ATXN7L3: variants seen among roughly 807,000 people sequenced by gnomAD.
The protein encoded by ATXN7L3 is ataxin 7 like 3, also known as ataxin-7-like protein 3.
A neutral mutation model predicts 50.0 loss-of-function variants in ATXN7L3; 6 were observed. The observed-to-expected ratio is 0.12, with a 90% CI of 0.07 to 0.24. ATXN7L3 has a LOEUF of 0.24. Among genes scored for constraint, ATXN7L3 ranks in the 10% least tolerant of loss-of-function variants. The pLI, the probability that ATXN7L3 is intolerant of heterozygous loss-of-function variation, is 1.00. For missense variants in ATXN7L3, 322 were observed against 451.3 expected (o/e 0.71, Z 2.60); for synonymous variants, 198 against 165.8 (o/e 1.19, Z -1.49).
rs1255789539 is a variant in ATXN7L3 at position 44,194,673 on chromosome 17, C to T, written c.739G>A (p.Val247Ile). The T allele has an allele frequency of 6.2e-7, 1 of 1,613,956 alleles. No homozygotes were observed. Among genetic ancestry groups the T allele is most frequent in the East Asian group, 2.2e-5 (1 of 44,890 alleles). ...AGGGAGCTCTCGACCTCTGGAAGGA[C>T]ACTGGAAAGGGGATGAGCCAAAGAA... ...VRIYFLGPSA[V>I]LPEVESSLDN... Residue 247 changes from valine to isoleucine, a missense_variant and splice_region_variant, in exon 12 of 13, where the codon GTC becomes ATC. Around this residue, in one of 5 missense-constraint regions of ATXN7L3, gnomAD observed 122 missense variants for 130.8 expected, o/e 0.93. Transcript: ENST00000587097.
Position 44,194,079 on chromosome 17 carries a change from C to T in ATXN7L3, c.*184G>A, listed in dbSNP as rs779348004. 16 of 715,866 alleles carry T rather than the reference C, an allele frequency of 2.2e-5. No individual in the cohort carries two copies. The highest frequency in any genetic ancestry group is 2.8e-5 in the Admixed American group (1 of 36,026). 44.3% of individuals were successfully genotyped at this position (715,866 alleles called of 1,614,324 possible). Reference sequence around the variant, plus strand: ...GTCTGAGTCCTGCACGCCGAGGAGTCGTGCTCCATTGCAGAGGACTTTGAC... The same window carrying T: ...GTCTGAGTCCTGCACGCCGAGGAGTTGTGCTCCATTGCAGAGGACTTTGAC... On this transcript the variant is annotated 3_prime_UTR_variant, in exon 13 of 13. Coordinates refer to ENST00000587097, the MANE Select transcript of ATXN7L3 (RefSeq NM_001382309.1).
At chr17:44,197,167 G>GC in intron 4 of ATXN7L3, 61 bp downstream of exon 4, 1 of 1,563,894 alleles carries the variant, frequency 6.4e-7, no homozygotes, top group Non-Finnish European at 8.7e-7. Flanking sequence ...CCTTCCCAAT[G>GC]CCCCCGGGGG....
chr17:44,197,887 G>A (rs892919176), intron 2 of ATXN7L3, 133 bp downstream of exon 2: 5 of 1,509,082 alleles, frequency 3.3e-6, no homozygotes, highest in Middle Eastern at 1.7e-4. Flanking sequence ...CTGGATCCTT[G>A]GCTTTTTCAG....
rs61742022 is a variant in ATXN7L3, at chr17:44,195,102, G to A, written c.660C>T (p.Cys220=). 2,136 of 1,614,172 alleles carry A rather than the reference G, an allele frequency of 1.3e-3. 23 individuals are homozygous for A. The African/African-American group carries it at 0.024, about 18-fold the overall frequency. ...GVISEHTKKM[C]TRSLRCPQHT... ...TTTCTAGGTTCTGTGCTCACCTTGT[G>A]CACATCTTCTTGGTGTGTTCAGAAA... is the stretch of plus-strand genomic sequence containing the variant. Residue 220 remains cysteine, a synonymous_variant, in exon 10 of 13, where the codon TGC becomes TGT. Transcript: ENST00000587097.
Position 44,195,830 on chromosome 17 carries a change from TGAA to T in ATXN7L3, c.524-5_524-3del. On this transcript the variant is annotated splice_polypyrimidine_tract_variant and splice_region_variant and intron_variant, in intron 7 of 12. Coordinates refer to ENST00000587097, the MANE Select transcript of ATXN7L3 (RefSeq NM_001382309.1). ...AAGGATCCGAATTGCTAAGTTCCCC[TGAA>T]GAAGAAAAAAGAAGGGGAAGGGTGT... is the stretch of plus-strand genomic sequence containing the variant. The T allele has an allele frequency of 9.3e-6, 15 of 1,606,978 alleles. No homozygotes were observed. The highest frequency in any genetic ancestry group is 1.2e-5 in the Non-Finnish European group (14 of 1,177,728).
Position 44,192,864 on chromosome 17 carries a change from G to A in ATXN7L3, c.*1399C>T, listed in dbSNP as rs1274581170. 2 of 152,260 alleles carry A rather than the reference G, an allele frequency of 1.3e-5. No homozygotes were observed. Among genetic ancestry groups the A allele is most frequent in the Non-Finnish European group, 2.9e-5 (2 of 68,096 alleles). The allele number at this position is 152,260 out of a possible 1,614,324, so 9.4% of individuals were successfully genotyped here. Reference sequence around the variant, plus strand: ...AATGTGGGATGGCTCCTCTTGGGAAGAGGGTAGGGGACATGTCCAGCAAGT... The same window carrying A: ...AATGTGGGATGGCTCCTCTTGGGAAAAGGGTAGGGGACATGTCCAGCAAGT... On this transcript the variant is annotated 3_prime_UTR_variant, in exon 13 of 13. Coordinates refer to ENST00000587097, the MANE Select transcript of ATXN7L3 (RefSeq NM_001382309.1).
Position 44,198,120 on chromosome 17 carries a change from C to T in ATXN7L3, c.-50G>A, listed in dbSNP as rs761253733. The T allele has an allele frequency of 5.7e-6, 9 of 1,577,892 alleles. No individual in the cohort carries two copies. The highest frequency in any genetic ancestry group is 1.1e-5 in the South Asian group (1 of 89,942). ...CTCTGACTGCTCATAGCACAGCGGG[C>T]GGCAACACGGCTGCACACACGGGGG... On this transcript the variant is annotated 5_prime_UTR_variant, in exon 2 of 13. Coordinates refer to ENST00000587097, the MANE Select transcript of ATXN7L3 (RefSeq NM_001382309.1).
chr17:44,196,204 A>T, intron 6 of ATXN7L3, 125 bp from the exon 7 acceptor site: 7 of 1,287,990 alleles, frequency 5.4e-6, no homozygotes, highest in Non-Finnish European at 7.7e-6. Flanking sequence ...CCCCAGTAGG[A>T]GGCCTGTCTA....
At chr17:44,198,617 G>A (rs2056013844) in intron 1 of ATXN7L3, 1 of 153,326 alleles carries the variant, frequency 6.5e-6, no homozygotes, top group South Asian at 2.0e-4. Flanking sequence ...ATGGCCCTAG[G>A]ACCCTACAAC....
intron 3 of ATXN7L3, 25 bp from the exon 4 acceptor site, chr17:44,197,424 C>G: frequency 6.3e-7 from 1 of 1,577,720 alleles, no homozygotes; most frequent in Non-Finnish European, 8.6e-7. Flanking sequence ...GGCTGGCGAT[C>G]AGGGTGGGCA....
rs2055727194 is a variant in ATXN7L3 at position 44,192,449 on chromosome 17, GC to G, written c.*1813del. On this transcript the variant is annotated 3_prime_UTR_variant, in exon 13 of 13. Transcript: ENST00000587097. ...GTGTATTAGGGCCTGAGCTGCAGCTGCCTCTCAGAAGGGAGAGTGGCCCACA... is the reference window on the plus strand; with the variant it reads ...GTGTATTAGGGCCTGAGCTGCAGCTGCTCTCAGAAGGGAGAGTGGCCCACA... 6.6e-6 allele frequency: 1 copy of G among 152,188 alleles called. No homozygotes were observed. The highest frequency in any genetic ancestry group is 1.5e-5 in the Non-Finnish European group (1 of 68,072). 9.4% of individuals were successfully genotyped at this position (152,188 alleles called of 1,614,324 possible).
At chr17:44,195,538 G>A (rs2055853011) in intron 8 of ATXN7L3, 51 bp from the exon 9 acceptor site, 3 of 1,544,212 alleles carry the variant, frequency 1.9e-6, no homozygotes, top group East Asian at 2.2e-5. Flanking sequence ...GAAAAGAGAA[G>A]GACAGGGGTG....
intron 11 of ATXN7L3, 47 bp from the exon 12 acceptor site, chr17:44,194,721 C>T (rs761750866): frequency 8.4e-5 from 135 of 1,613,358 alleles, no homozygotes; most frequent in Middle Eastern, 1.6e-4. Flanking sequence ...TAGTGATCAT[C>T]GCCCTAACTG....
At position 44,196,082 on chromosome 17, in the gene ATXN7L3, G is replaced by A; in HGVS notation, c.478-3C>T. Reference sequence around the variant, plus strand: ...GATCTTCGAGGGGAATTGGGGTTCTGGAATGGGAGATACCATAGCTTTGGG... The same window carrying A: ...GATCTTCGAGGGGAATTGGGGTTCTAGAATGGGAGATACCATAGCTTTGGG... On this transcript the variant is annotated splice_region_variant and splice_polypyrimidine_tract_variant and intron_variant, in intron 6 of 12. Coordinates refer to ENST00000587097, the MANE Select transcript of ATXN7L3 (RefSeq NM_001382309.1). 1 of 1,612,994 alleles carries A rather than the reference G, an allele frequency of 6.2e-7. No homozygotes were observed. Among genetic ancestry groups the A allele is most frequent in the Non-Finnish European group, 8.5e-7 (1 of 1,179,090 alleles).
Position 44,192,700 on chromosome 17 carries a change from G to T in ATXN7L3, c.*1563C>A, listed in dbSNP as rs76335095. On this transcript the variant is annotated 3_prime_UTR_variant, in exon 13 of 13. Transcript: ENST00000587097. ...GGGTTAAAAACCAATTTGCAACCAG[G>T]CATGAGCCACAATCAGAACCACCCC... The T allele has an allele frequency of 0.057, 8,731 of 152,258 alleles. 302 individuals carry two copies. The highest frequency in any genetic ancestry group is 0.08 in the African/African-American group (3,315 of 41,542). 9.4% of individuals were successfully genotyped at this position (152,258 alleles called of 1,614,324 possible).
In ATXN7L3 at chr17:44,195,450, C is replaced by G; in HGVS notation, c.590G>C (p.Gly197Ala). The G allele has an allele frequency of 6.2e-7, 1 of 1,614,106 alleles. No homozygotes were observed. The highest frequency in any genetic ancestry group is 8.5e-7 in the Non-Finnish European group (1 of 1,180,014). The part of the protein sequence containing the change: ...NSTGISYETL[G>A]PEELRSLLTT... The stretch of plus-strand genomic sequence containing the variant: ...TAGCAGGCTGCGAAGCTCCTCCGGC[C>G]CCAGGGTCTCATAGCTGATCCCAGT... Residue 197 changes from glycine to alanine, a missense_variant, in exon 9 of 13, where the codon GGG becomes GCG. This residue lies in a region of ATXN7L3 where 95 missense variants were observed against 98.1 expected (regional missense o/e 0.97). Transcript: ENST00000587097.
chr17:44,198,213 A>G, intron 1 of ATXN7L3, 83 bp from the exon 2 acceptor site: 1 of 764,404 alleles, frequency 1.3e-6, no homozygotes, highest in South Asian at 1.6e-5. Flanking sequence ...CTCGCTGCCC[A>G]AAGCTCAGTC....
At chr17:44,195,034 C>T (rs1266868226) in intron 10 of ATXN7L3, 63 bp downstream of exon 10, 15 of 1,589,186 alleles carry the variant, frequency 9.4e-6, no homozygotes, top group Middle Eastern at 1.7e-4. Flanking sequence ...GGGGTACTCC[C>T]AACCCATGCC....
In ATXN7L3 at chr17:44,195,480, T is replaced by G. The variant is rs771811837; in HGVS notation, c.560A>C (p.Asn187Thr). 1 of 1,613,888 alleles carries G rather than the reference T, an allele frequency of 6.2e-7. No homozygotes were observed. Among genetic ancestry groups the G allele is most frequent in the African/African-American group, 1.3e-5 (1 of 74,976 alleles). ...LSNSDPFKYN[N>T]STGISYETLG... ...GGTCTCATAGCTGATCCCAGTTGAA[T>G]TGTTATACTGCAGGACAACCAGAGG... Residue 187 changes from asparagine (N) to threonine (T), a missense_variant, in exon 9 of 13, where the codon AAT becomes ACT. Coordinates refer to ENST00000587097, the MANE Select transcript of ATXN7L3 (RefSeq NM_001382309.1).
Sources: allele counts gnomAD v4.1 joint callset, GRCh38; gene constraint gnomAD v4.1.1; regional missense constraint gnomAD v4.1.1; transcripts MANE v1.5; gene names NCBI Gene and HGNC (gene_info 2026-07-23, HGNC 2026-07-21).